Variants in ZBED6 observed in about 807,000 individuals in gnomAD.
The protein encoded by ZBED6 is zinc finger BED-type containing 6.
In ZBED6, 40 loss-of-function variants were observed where a neutral mutation model predicts 58.4. That is an observed-to-expected ratio of 0.68 (90% CI 0.53 to 0.89). ZBED6 has a LOEUF of 0.89. ZBED6 is among the 40% of genes least tolerant of loss of function. The probability of loss-of-function intolerance (pLI) is 0.00; values close to 1 mark genes in which losing one functional copy is unlikely to be tolerated. For synonymous variants in ZBED6, 439 were observed against 350.6 expected (o/e 1.25, Z -2.82); for missense variants, 1,057 against 1,003.9 (o/e 1.05, Z -0.71).
chr1:203,829,582 T>A, exon 5 of ZBED6: 1 of 1,614,122 alleles, frequency 6.2e-7, no homozygotes, highest in Non-Finnish European at 8.5e-7. Context: ...AGTAGAAAGT[T>A]CCGAAAATGT....
chr1:203,830,200 G>A (rs149976679), exon 7 of ZBED6: 7 of 1,599,066 alleles, frequency 4.4e-6, no homozygotes, highest in African/African-American at 2.7e-5. Flanking sequence ...TAAGAAGCAA[G>A]GTGGTAAGTC....
chr1:203,805,706 C>G, intron 1 of ZBED6: 1 of 662,124 alleles, frequency 1.5e-6, no homozygotes, highest in Non-Finnish European at 2.9e-6. Context: ...TCTGGAATTG[C>G]AGGTGCAGAT....
exon 1 of ZBED6, chr1:203,799,641 G>A (rs1223861876): frequency 4.8e-5 from 34 of 703,332 alleles, no homozygotes; most frequent in South Asian, 1.8e-4. Flanking sequence ...CGTGAAGACC[G>A]CAGGATTGAA....
intron 11 of ZBED6, among the ~76,000 whole-genome samples, chr1:203,845,701 C>T (rs1358143530): frequency 6.6e-6 from 1 of 151,906 alleles, no homozygotes; most frequent in Admixed American, 6.6e-5. Context: ...CCTGTCTCTA[C>T]AAAAAATACA....
In ZBED6 at chr1:203,837,818, T is replaced by C. The variant is rs568940107; in HGVS notation, c.*3574-148T>C. ...CTCCGACATTTTTATGTTTCTAACATTGAACTCTAAGGAAGCTGGTGAACA... is the reference window on the plus strand; with the variant it reads ...CTCCGACATTTTTATGTTTCTAACACTGAACTCTAAGGAAGCTGGTGAACA... On this transcript the variant is annotated intron_variant, in intron 9 of 16. Transcript: ENST00000550078. The C allele has an allele frequency of 1.5e-4, 108 of 726,174 alleles. No individual in the cohort carries two copies. The African/African-American group carries it at 1.9e-3, about 12-fold the overall frequency. 45.0% of individuals were successfully genotyped at this position (726,174 alleles called of 1,614,324 possible). A position where few individuals can be genotyped will look rare whatever the true frequency, so the allele number is the denominator to read the frequency against.
chr1:203,818,599 A>C (rs151107670), exon 3 of ZBED6: 60 of 1,614,000 alleles, frequency 3.7e-5, no homozygotes, highest in Non-Finnish European at 5.1e-5. Context: ...GTCACTGTGA[A>C]GCTGCAATAG....
At chr1:203,835,661 A>C (rs1684086228) in intron 9 of ZBED6, 1 of 228,250 alleles carries the variant, frequency 4.4e-6, no homozygotes, top group East Asian at 1.0e-4. Context: ...ATTTGGCATG[A>C]ACCACACCAC....
chr1:203,830,925 A>ATTTTTTTTTTT (rs774771270), intron 7 of ZBED6, among the ~76,000 whole-genome samples: 7 of 51,384 alleles, frequency 1.4e-4, no homozygotes, highest in Non-Finnish European at 2.2e-4. Context: ...CCAACCCCCA[A>ATTTTTTTTTTT]TTTTTTTTTT....
At chr1:203,804,346 G>T (rs1343024682) in intron 1 of ZBED6, among the ~76,000 whole-genome samples, 2 of 151,812 alleles carry the variant, frequency 1.3e-5, no homozygotes, top group African/African-American at 4.8e-5. Context: ...TAGAGACGGG[G>T]TTTCACCGTG....
In ZBED6 at chr1:203,824,553, T is replaced by A. The variant is rs184116995; in HGVS notation, c.*2874-3746T>A. On this transcript the variant is annotated intron_variant, in intron 3 of 16. Coordinates refer to ENST00000550078, the Ensembl canonical transcript of ZBED6. ...GGCATGTTCAGAGCAGCAAAAAATT[T>A]GAGTCATCTGACATGTGTCACATTG... Among the ~76,000 whole-genome samples the A allele has an allele frequency of 1.1e-4, 16 of 152,270 alleles. No individual in the cohort carries two copies. The East Asian group carries it at 3.1e-3, about 29-fold the overall frequency.
chr1:203,852,416 A>G, exon 17 of ZBED6: 1 of 1,605,828 alleles, frequency 6.2e-7, no homozygotes, highest in Non-Finnish European at 8.5e-7. Flanking sequence ...TAGTGAGGAC[A>G]CTTTAAAAAA....
intron 3 of ZBED6, among the ~76,000 whole-genome samples, chr1:203,825,183 A>G (rs1476891480): frequency 6.6e-6 from 1 of 152,118 alleles, no homozygotes; most frequent in East Asian, 1.9e-4. Context: ...ACAATATTAA[A>G]TGCACCCAAA....
At chr1:203,804,964 T>A (rs1671779113) in intron 1 of ZBED6, among the ~76,000 whole-genome samples, 1 of 151,936 alleles carries the variant, frequency 6.6e-6, no homozygotes, top group Admixed American at 6.6e-5. Context: ...TGAGCTATTG[T>A]GCCCGGCCTG....
intron 4 of ZBED6, 138 bp from the exon 5 acceptor site, chr1:203,829,312 CT>C (rs945571407): frequency 2.4e-6 from 2 of 823,558 alleles, no homozygotes; most frequent in Non-Finnish European, 3.8e-6. Context: ...CTCCCTGGGA[CT>C]TTAGAACTTA....
chr1:203,837,890 GTC>G, intron 9 of ZBED6, 74 bp from the exon 10 acceptor site: 1 of 1,355,302 alleles, frequency 7.4e-7, no homozygotes, highest in Non-Finnish European at 1.0e-6. Context: ...ATGCTATGTT[GTC>G]TGTTTTTGTT....
intron 1 of ZBED6, chr1:203,805,493 G>A (rs973086269): frequency 2.3e-6 from 1 of 430,768 alleles, no homozygotes; most frequent in African/African-American, 2.0e-5. Context: ...GAAAAAAATA[G>A]AAGAGCAATG....
intron 3 of ZBED6, among the ~76,000 whole-genome samples, chr1:203,822,431 C>G (rs549545782): frequency 3.7e-4 from 57 of 152,004 alleles, no homozygotes; most frequent in African/African-American, 1.3e-3. Flanking sequence ...ACTTTTGACC[C>G]CCAACACGAT....
At chr1:203,801,140 G>T (rs1670440729) in exon 1 of ZBED6, 1 of 152,064 alleles carries the variant, frequency 6.6e-6, no homozygotes, top group Non-Finnish European at 1.5e-5. Flanking sequence ...AGATTGTGTA[G>T]GTACTTTCAA....
At chr1:203,842,354 C>G (rs528419548) in intron 11 of ZBED6, among the ~76,000 whole-genome samples, 2 of 152,148 alleles carry the variant, frequency 1.3e-5, no homozygotes, top group Non-Finnish European at 2.9e-5. Context: ...CCCGGCACCT[C>G]GGGAGGCTGA....
Sources: allele counts gnomAD v4.1 joint callset (sites outside exome capture counted in the v4.1 genomes callset), GRCh38; gene constraint gnomAD v4.1.1; transcripts MANE v1.5; gene names NCBI Gene and HGNC (gene_info 2026-07-23, HGNC 2026-07-21).